Variants in TENM2 observed in about 807,000 individuals in gnomAD.
The protein encoded by TENM2 is teneurin-2.
A neutral mutation model predicts 245.2 loss-of-function variants in TENM2; 52 were observed. That is an observed-to-expected ratio of 0.21 (90% CI 0.17 to 0.27). The LOEUF is 0.27. Ranked by LOEUF, TENM2 falls within the 10% of genes least tolerant of loss-of-function variation. TENM2 has a pLI of 1.00. For missense variants in TENM2, 3,046 were observed against 3,666.8 expected, an observed-to-expected ratio of 0.83 and a Z score of 4.37; for synonymous variants, 1,363 against 1,438.9, an observed-to-expected ratio of 0.95 and a Z score of 1.19.
chr5:167,579,047 C>T (rs1381362910), intron 2 of TENM2, among the ~76,000 whole-genome samples: 1 of 152,154 alleles, frequency 6.6e-6, no homozygotes, highest in Admixed American at 6.5e-5. Context: ...CCTTGTCCTC[C>T]AACCACTTTA....
intron 14 of TENM2, among the ~76,000 whole-genome samples, chr5:168,191,777 G>T (rs1760985092): frequency 6.6e-6 from 1 of 152,082 alleles, no homozygotes; most frequent in African/African-American, 2.4e-5. Context: ...TTCTCTCGGA[G>T]CCCCTCTCAT....
intron 2 of TENM2, among the ~76,000 whole-genome samples, chr5:167,748,166 C>T (rs1761716316): frequency 6.6e-6 from 1 of 152,170 alleles, no homozygotes; most frequent in Non-Finnish European, 1.5e-5. Context: ...CCATCTGTCA[C>T]TCTCCTATTT....
At chr5:167,895,429 G>T (rs1372676444) in intron 3 of TENM2, among the ~76,000 whole-genome samples, 1 of 152,204 alleles carries the variant, frequency 6.6e-6, no homozygotes, top group Admixed American at 6.5e-5. Flanking sequence ...AAGGAAATGA[G>T]CCTCACAGAG....
chr5:168,218,349 G>A lies in TENM2; in HGVS notation c.4458G>A (p.Gly1486=). Residue 1486 remains glycine, a synonymous_variant, in exon 23 of 29, where the codon GGG becomes GGA. Transcript: ENST00000518659. This position sits in a 1 kb window ranked among gnomAD's most constrained non-coding sequence, Gnocchi z 5.2. ...GTGCCATTGCCATTTCTCACACTGG[G>A]GTCCTCTACATCACTGAGACAGATG... The A allele has an allele frequency of 6.2e-7, 1 of 1,613,996 alleles. No homozygotes were observed. Among genetic ancestry groups the A allele is most frequent in the Non-Finnish European group, 8.5e-7 (1 of 1,179,896 alleles).
chr5:168,257,319 A>G (rs1254137068), intron 27 of TENM2, among the ~76,000 whole-genome samples: 1 of 152,208 alleles, frequency 6.6e-6, no homozygotes, highest in Non-Finnish European at 1.5e-5. Flanking sequence ...CCGGGCAGGC[A>G]GAGTCTGAGC....
At chr5:167,954,456 G>A (rs1389262094) in intron 4 of TENM2, among the ~76,000 whole-genome samples, 2 of 152,110 alleles carry the variant, frequency 1.3e-5, no homozygotes, top group African/African-American at 2.4e-5. Context: ...GCTACGTATC[G>A]GGTATTATGC....
chr5:167,380,278 A>G (rs1761019814), intron 2 of TENM2, among the ~76,000 whole-genome samples: 1 of 152,190 alleles, frequency 6.6e-6, no homozygotes. Context: ...CACAGCTGAT[A>G]ATAACATACA....
intron 3 of TENM2, among the ~76,000 whole-genome samples, chr5:167,880,017 T>C (rs1773746099): frequency 6.6e-6 from 1 of 152,150 alleles, no homozygotes; most frequent in Non-Finnish European, 1.5e-5. Flanking sequence ...ACCTCCCTCA[T>C]AATATGTAAC....
chr5:168,251,059 G>A (rs1318724339), intron 27 of TENM2, among the ~76,000 whole-genome samples: 2 of 152,098 alleles, frequency 1.3e-5, no homozygotes, highest in Admixed American at 1.3e-4. Context: ...ACTGTGAATG[G>A]GGAGGTTGAC....
chr5:168,097,357 T>C (rs1418667287), intron 8 of TENM2, among the ~76,000 whole-genome samples: 1 of 152,198 alleles, frequency 6.6e-6, no homozygotes, highest in African/African-American at 2.4e-5. Flanking sequence ...TGTCAACATT[T>C]AAACGTGGGA....
At chr5:167,718,055 A>G (rs1431077366) in intron 2 of TENM2, among the ~76,000 whole-genome samples, 1 of 152,194 alleles carries the variant, frequency 6.6e-6, no homozygotes, top group African/African-American at 2.4e-5. Context: ...TCTAGCATGC[A>G]TATATGAATT....
intron 27 of TENM2, among the ~76,000 whole-genome samples, chr5:168,259,409 G>A (rs1280944171): frequency 3.3e-5 from 5 of 152,086 alleles, no homozygotes; most frequent in African/African-American, 1.2e-4. Flanking sequence ...CCAACATGGA[G>A]AAACCCTGTC....
chr5:168,195,568 G>A lies in TENM2; in HGVS notation c.2900+273G>A, dbSNP rs969804319. Among the ~76,000 whole-genome samples, 563 of 119,978 alleles carry A rather than the reference G, an allele frequency of 4.7e-3. 12 individuals carry two copies. Among genetic ancestry groups the A allele is most frequent in the African/African-American group, 0.021 (541 of 25,170 alleles). 78.7% of individuals were successfully genotyped at this position (119,978 alleles called of 152,430 possible). On this transcript the variant is annotated intron_variant, in intron 15 of 28. Transcript: ENST00000518659. ...TCAATGCACGTGTGTGTGTGTGTGT[G>A]TGTGTGTGTGTGTGTGTGTGTGTGT...
chr5:168,050,344 C>T lies in TENM2; in HGVS notation c.1309+2795C>T, dbSNP rs145891649. Among the ~76,000 whole-genome samples the T allele has an allele frequency of 5.6e-4, 86 of 152,272 alleles. 1 individual carries two copies. In the East Asian group the frequency reaches 0.016, roughly 29 times the overall value. Reference sequence around the variant, plus strand: ...GTGACCTTGGGTTTGAATTTGTATACCCAGTGACCTCCGCGCTCCCCATTC... The same window carrying T: ...GTGACCTTGGGTTTGAATTTGTATATCCAGTGACCTCCGCGCTCCCCATTC... On this transcript the variant is annotated intron_variant, in intron 6 of 28. Transcript: ENST00000518659.
chr5:167,792,083 G>A (rs1765018139), intron 2 of TENM2, among the ~76,000 whole-genome samples: 3 of 152,128 alleles, frequency 2.0e-5, no homozygotes, highest in Admixed American at 2.0e-4. Context: ...ATCAAAAGTG[G>A]ACAAGTGAAA....
intron 2 of TENM2, among the ~76,000 whole-genome samples, chr5:167,828,282 TC>T (rs1157866637): frequency 6.6e-6 from 1 of 152,176 alleles, no homozygotes; most frequent in East Asian, 1.9e-4. Context: ...GCTACTCTCA[TC>T]CCTCAGATCT....
chr5:167,336,947 C>T (rs1407835597), intron 1 of TENM2, among the ~76,000 whole-genome samples: 3 of 150,192 alleles, frequency 2.0e-5, no homozygotes, highest in Non-Finnish European at 3.0e-5. Context: ...GAAACCCCGT[C>T]TCTACTAAAA....
At chr5:167,295,712 C>G (rs186282233) in intron 1 of TENM2, among the ~76,000 whole-genome samples, 2 of 152,258 alleles carry the variant, frequency 1.3e-5, no homozygotes, top group African/African-American at 4.8e-5. Context: ...AAGGGGCTAG[C>G]GTGTACTCGA....
intron 23 of TENM2, among the ~76,000 whole-genome samples, chr5:168,221,722 T>A (rs1376279437): frequency 6.6e-6 from 1 of 152,080 alleles, no homozygotes; most frequent in East Asian, 1.9e-4. Flanking sequence ...GGCCACTGGG[T>A]CTTGATAGAA....
Sources: gnomAD v4.1 joint callset for allele counts (sites outside exome capture counted in the v4.1 genomes callset) on GRCh38, gnomAD v4.1.1 for gene constraint, Gnocchi (gnomAD v3.1) non-coding constraint, MANE v1.5 for transcripts, NCBI Gene and HGNC (gene_info 2026-07-23, HGNC 2026-07-21) for gene names.